Variants in PLBD1 observed in about 807,000 individuals in gnomAD.
PLBD1 encodes phospholipase B domain containing 1.
In PLBD1, 60 loss-of-function variants were observed where a neutral mutation model predicts 63.0. That is an observed-to-expected ratio of 0.95 (90% CI 0.77 to 1.18). The LOEUF (loss-of-function observed/expected upper bound fraction) is 1.18, where lower values mean the gene tolerates loss of function less well. Ranked by LOEUF, PLBD1 falls within the 50% of genes most tolerant of loss-of-function variation. The pLI, the probability that PLBD1 is intolerant of heterozygous loss-of-function variation, is 0.00. For missense variants in PLBD1, 598 were observed against 677.9 expected, an observed-to-expected ratio of 0.88 and a Z score of 1.31; for synonymous variants, 262 against 248.0, an observed-to-expected ratio of 1.06 and a Z score of -0.53.
Position 14,542,218 on chromosome 12 carries a change from C to T in PLBD1, c.409G>A (p.Asp137Asn). The change falls in exon 3 of 11, where the codon GAT becomes AAT. Residue 137 changes from aspartate to asparagine, a missense_variant. Transcript: ENST00000240617. ...TKPSIMDKVQ[D>N]FMEKQDKWTR... ...AGCTATTATACGTACTCCATAAAAT[C>T]CTGCACTTTATCCATGATGGAAGGT... 6.2e-7 allele frequency: 1 copy of T among 1,602,640 alleles called. No homozygotes were observed. Among genetic ancestry groups the T allele is most frequent in the Non-Finnish European group, 8.5e-7 (1 of 1,169,638 alleles).
At chr12:14,566,907 C>T (rs1945791337) in intron 1 of PLBD1, among the ~76,000 whole-genome samples, 1 of 151,906 alleles carries the variant, frequency 6.6e-6, no homozygotes, top group Admixed American at 6.6e-5. Context: ...CCAGCCTGTC[C>T]AACATGGTGA....
intron 10 of PLBD1, 34 bp downstream of exon 10, chr12:14,506,128 T>C (rs762670711): frequency 1.4e-6 from 2 of 1,470,056 alleles, no homozygotes; most frequent in East Asian, 2.3e-5. Flanking sequence ...TGTGTGCTGG[T>C]GGGAATTAAA....
At chr12:14,536,213 C>A (rs139225610) in intron 5 of PLBD1, 2,824 of 235,030 alleles carry the variant, frequency 0.012, 72 homozygotes, top group African/African-American at 0.061. Flanking sequence ...GCAGGAGAAT[C>A]GCTTGAACCT....
chr12:14,510,379 G>A (rs891232468), intron 8 of PLBD1, among the ~76,000 whole-genome samples: 4 of 152,150 alleles, frequency 2.6e-5, no homozygotes, highest in Non-Finnish European at 5.9e-5. Flanking sequence ...GGGTGACAGA[G>A]CGACACTCCA....
intron 6 of PLBD1, among the ~76,000 whole-genome samples, chr12:14,518,754 G>A (rs376590764): frequency 1.3e-5 from 2 of 151,974 alleles, no homozygotes; most frequent in East Asian, 1.9e-4. Context: ...AAGGCTCTGT[G>A]CTCATCCTGG....
chr12:14,555,912 GA>G (rs1305747613), intron 1 of PLBD1, among the ~76,000 whole-genome samples: 1 of 152,196 alleles, frequency 6.6e-6, no homozygotes, highest in Non-Finnish European at 1.5e-5. Context: ...TCCTAGACTA[GA>G]AGCTCCCTGA....
chr12:14,524,724 C>T lies in PLBD1; in HGVS notation c.844+10935G>A, dbSNP rs939740346. Among the ~76,000 whole-genome samples, 5 of 152,226 alleles carry T rather than the reference C, an allele frequency of 3.3e-5. No individual in the cohort carries two copies. The East Asian group carries it at 5.8e-4, about 18-fold the overall frequency. ...TCACCTCAAAAGAAAAAGGAAGGTACGACCCCACACTTAAGTCACTGGAAA... is the reference window on the plus strand; with the variant it reads ...TCACCTCAAAAGAAAAAGGAAGGTATGACCCCACACTTAAGTCACTGGAAA... On this transcript the variant is annotated intron_variant, in intron 6 of 10. Coordinates refer to ENST00000240617, the MANE Select transcript of PLBD1 (RefSeq NM_024829.6).
intron 1 of PLBD1, among the ~76,000 whole-genome samples, chr12:14,558,854 C>T (rs184249543): frequency 4.6e-5 from 7 of 152,172 alleles, no homozygotes; most frequent in African/African-American, 9.7e-5. Context: ...TTTTGACACT[C>T]GTGTACCTCC....
chr12:14,515,504 C>A (rs759397112), intron 6 of PLBD1, among the ~76,000 whole-genome samples: 1 of 150,948 alleles, frequency 6.6e-6, no homozygotes, highest in Non-Finnish European at 1.5e-5. Flanking sequence ...CTTGGTTCTA[C>A]CTTTTAAAAG....
intron 6 of PLBD1, among the ~76,000 whole-genome samples, chr12:14,525,267 T>TAAATAAATAAATAAAA (rs1945407830): frequency 1.3e-5 from 2 of 151,140 alleles, no homozygotes; most frequent in Admixed American, 1.3e-4. Flanking sequence ...CATCTCAAAA[T>TAAATAAATAAATAAAA]AAATAAATAA....
At chr12:14,517,042 CA>C (rs1047832826) in intron 6 of PLBD1, among the ~76,000 whole-genome samples, 2 of 150,614 alleles carry the variant, frequency 1.3e-5, no homozygotes, top group South Asian at 4.2e-4. Context: ...CCATCTCAAA[CA>C]AAAAAAAAGT....
chr12:14,505,553 G>C (rs966886072), intron 10 of PLBD1, among the ~76,000 whole-genome samples: 2 of 152,076 alleles, frequency 1.3e-5, no homozygotes, highest in South Asian at 4.1e-4. Context: ...CCATCAACAC[G>C]TCAACTAACA....
chr12:14,521,243 G>A (rs904196372), intron 6 of PLBD1, among the ~76,000 whole-genome samples: 9 of 152,020 alleles, frequency 5.9e-5, no homozygotes, highest in African/African-American at 1.9e-4. Context: ...CTTGGTGCCT[G>A]AGCCCATGTG....
At chr12:14,558,878 C>G (rs117872353) in intron 1 of PLBD1, among the ~76,000 whole-genome samples, 159 of 152,272 alleles carry the variant, frequency 1.0e-3, no homozygotes, top group Non-Finnish European at 1.9e-3. Context: ...AATGAAAAAA[C>G]CTTTACTCAA....
intron 6 of PLBD1, among the ~76,000 whole-genome samples, chr12:14,533,460 C>G (rs988150601): frequency 6.6e-6 from 1 of 152,206 alleles, no homozygotes; most frequent in Non-Finnish European, 1.5e-5. Flanking sequence ...GATACATATG[C>G]AAATGTTAAC....
chr12:14,546,751 GA>G (rs1450589236), intron 2 of PLBD1, among the ~76,000 whole-genome samples: 1 of 152,198 alleles, frequency 6.6e-6, no homozygotes, highest in Non-Finnish European at 1.5e-5. Flanking sequence ...TCCTTAAACA[GA>G]GGAACATTAA....
rs139925270 is a variant in PLBD1, at chr12:14,511,576, C to T, written c.980G>A (p.Arg327His). 4.1e-5 allele frequency: 66 copies of T among 1,614,064 alleles called. No homozygotes were observed. Among genetic ancestry groups the T allele is most frequent in the Middle Eastern group, 3.3e-4 (2 of 6,084 alleles). ...PETLLSWQRV[R>H]VANMMADSGK... The stretch of plus-strand genomic sequence containing the variant: ...ACTATCTGCCATCATATTGGCCACA[C>T]GGACTCTTTGCCAGGACAGGAGAGT... The change falls in exon 7 of 11, where the codon CGT becomes CAT. Residue 327 changes from arginine (R) to histidine (H), a missense_variant. Physicochemically the swap from Arg to His is conservative, Grantham distance 29 (BLOSUM62 0). Transcript: ENST00000240617.
At chr12:14,567,552 C>T (rs1033025161) in intron 1 of PLBD1, 30 bp downstream of exon 1, 2 of 1,467,356 alleles carry the variant, frequency 1.4e-6, no homozygotes, top group Non-Finnish European at 1.8e-6. Flanking sequence ...CCTCCCCGGG[C>T]GCCCCCCGCC....
At chr12:14,509,851 T>A (rs1945283026) in intron 8 of PLBD1, among the ~76,000 whole-genome samples, 2 of 152,206 alleles carry the variant, frequency 1.3e-5, no homozygotes, top group Non-Finnish European at 2.9e-5. Context: ...GTAGGATTTT[T>A]AAAGCTAACA....
Sources: allele counts gnomAD v4.1 joint callset (sites outside exome capture counted in the v4.1 genomes callset), GRCh38; gene constraint gnomAD v4.1.1; transcripts MANE v1.5; gene names NCBI Gene and HGNC (gene_info 2026-07-23, HGNC 2026-07-21).